MAN1A2: variants seen among roughly 807,000 people sequenced by gnomAD.
The protein encoded by MAN1A2 is mannosyl-oligosaccharide 1,2-alpha-mannosidase IB.
A neutral mutation model predicts 75.7 loss-of-function variants in MAN1A2; 26 were observed. The ratio of observed to expected loss-of-function variants is 0.34; its 90% CI spans 0.25 to 0.48. The LOEUF is 0.48. Ranked by LOEUF, MAN1A2 falls within the 20% of genes least tolerant of loss-of-function variation. The pLI is 0.99. For synonymous variants in MAN1A2, 247 were observed against 264.6 expected, an observed-to-expected ratio of 0.93 and a Z score of 0.65; for missense variants, 562 against 775.5, an observed-to-expected ratio of 0.72 and a Z score of 3.27.
At chr1:117,417,290 AT>A (rs1648024038) in intron 4 of MAN1A2, among the ~76,000 whole-genome samples, 1 of 151,620 alleles carries the variant, frequency 6.6e-6, no homozygotes, top group Admixed American at 6.6e-5. Flanking sequence ...GGGTTTTGTT[AT>A]TTTTATCCAA....
At position 117,441,079 on chromosome 1, in the gene MAN1A2, C is replaced by G. The variant is rs568746521; in HGVS notation, c.856-1152C>G. On this transcript the variant is annotated intron_variant, in intron 5 of 12. Coordinates refer to ENST00000356554, the MANE Select transcript of MAN1A2 (RefSeq NM_006699.5). Reference sequence around the variant, plus strand: ...GTAAATTGTAGATGTGTGAATATATCTAATTAAAAGTTCTGCTAAGAAGCT... The same window carrying G: ...GTAAATTGTAGATGTGTGAATATATGTAATTAAAAGTTCTGCTAAGAAGCT... Among the ~76,000 whole-genome samples, 47 of 152,134 alleles carry G rather than the reference C, an allele frequency of 3.1e-4. No individual in the cohort carries two copies. In the South Asian group the frequency reaches 8.9e-3, roughly 29 times the overall value.
At chr1:117,399,811 G>A (rs1372049599) in intron 1 of MAN1A2, among the ~76,000 whole-genome samples, 2 of 152,110 alleles carry the variant, frequency 1.3e-5, no homozygotes, top group Admixed American at 6.5e-5. Flanking sequence ...TTCTCAACTG[G>A]CTCTGTCCAT....
chr1:117,429,708 G>A (rs1648530305), intron 5 of MAN1A2, among the ~76,000 whole-genome samples: 2 of 110,146 alleles, frequency 1.8e-5, no homozygotes. Context: ...GGGCAGGGGG[G>A]CTGACCCCCC....
chr1:117,504,081 C>T (rs1393755344), intron 12 of MAN1A2, among the ~76,000 whole-genome samples: 1 of 151,346 alleles, frequency 6.6e-6, no homozygotes, highest in Non-Finnish European at 1.5e-5. Flanking sequence ...AGAACATCTG[C>T]CTGGTACTCA....
rs34249748 is a variant in MAN1A2, at chr1:117,417,690, GCA to G, written c.775-2863_775-2862del. Among the ~76,000 whole-genome samples the G allele has an allele frequency of 1.1e-3, 157 of 142,688 alleles. 2 individuals carry two copies. In the East Asian group the frequency reaches 0.028, roughly 25 times the overall value. The allele number at this position is 142,688 out of a possible 152,430, so 93.6% of individuals were successfully genotyped here. A position where few individuals can be genotyped will look rare whatever the true frequency, so the allele number is the denominator to read the frequency against. On this transcript the variant is annotated intron_variant, in intron 4 of 12. Transcript: ENST00000356554. ...TTAAGGGTAACTCCAAAGTAGGCGT[GCA>G]CACACACACACACACTCTCTCTCTC...
chr1:117,487,417 A>C (rs1465166921), intron 8 of MAN1A2, among the ~76,000 whole-genome samples: 1 of 152,002 alleles, frequency 6.6e-6, no homozygotes, highest in Non-Finnish European at 1.5e-5. Context: ...GCTAGGATAC[A>C]ATAAATGATT....
chr1:117,450,320 G>A (rs1258515169), intron 6 of MAN1A2, among the ~76,000 whole-genome samples: 1 of 152,182 alleles, frequency 6.6e-6, no homozygotes, highest in Non-Finnish European at 1.5e-5. Flanking sequence ...AGGGTATCTG[G>A]TGGAAGAAAT....
At chr1:117,466,270 A>C (rs1372549442) in intron 7 of MAN1A2, 64 bp from the exon 8 acceptor site, 1 of 1,099,586 alleles carries the variant, frequency 9.1e-7, no homozygotes, top group African/African-American at 1.6e-5. Flanking sequence ...CAAAGCCTAC[A>C]TTAAAACCAA....
At chr1:117,521,545 A>G (rs1258554449) in intron 12 of MAN1A2, among the ~76,000 whole-genome samples, 2 of 151,976 alleles carry the variant, frequency 1.3e-5, no homozygotes, top group Non-Finnish European at 1.5e-5. Flanking sequence ...GCGTGGATGC[A>G]GTGATCAGGG....
chr1:117,509,529 G>T (rs1408718226), intron 12 of MAN1A2, among the ~76,000 whole-genome samples: 1 of 151,902 alleles, frequency 6.6e-6, no homozygotes, highest in Non-Finnish European at 1.5e-5. Flanking sequence ...ATCCTTAAGT[G>T]TGTATTATCA....
At chr1:117,477,067 C>T (rs1650336820) in intron 8 of MAN1A2, among the ~76,000 whole-genome samples, 1 of 151,720 alleles carries the variant, frequency 6.6e-6, no homozygotes, top group African/African-American at 2.4e-5. Flanking sequence ...ACACATACAC[C>T]CTCCCAAGAC....
At position 117,376,353 on chromosome 1, in the gene MAN1A2, A is replaced by G. The variant is rs570249242; in HGVS notation, c.302+7868A>G. Among the ~76,000 whole-genome samples the G allele has an allele frequency of 2.6e-5, 4 of 152,330 alleles. No individual in the cohort carries two copies. The South Asian group carries it at 8.3e-4, about 32-fold the overall frequency. ...GTGCAGGCATACAGCTCCGCTTATT[A>G]TGTAACCATGTCATGTGAGGCGCAT... On this transcript the variant is annotated intron_variant, in intron 1 of 12. Transcript: ENST00000356554.
intron 1 of MAN1A2, among the ~76,000 whole-genome samples, chr1:117,381,634 C>T (rs1468745963): frequency 7.2e-5 from 11 of 152,074 alleles, no homozygotes; most frequent in Non-Finnish European, 5.9e-5. Context: ...TGAATAGTGC[C>T]GCAGTAAACA....
At chr1:117,472,789 G>A (rs1650201829) in intron 8 of MAN1A2, among the ~76,000 whole-genome samples, 1 of 151,822 alleles carries the variant, frequency 6.6e-6, no homozygotes, top group South Asian at 2.1e-4. Context: ...AACACGAATT[G>A]ATAAACTTTC....
chr1:117,458,905 G>C (rs1160419627), intron 6 of MAN1A2, among the ~76,000 whole-genome samples: 1 of 152,060 alleles, frequency 6.6e-6, no homozygotes, highest in Non-Finnish European at 1.5e-5. Flanking sequence ...GAATAATCCA[G>C]GAACTCTGCT....
chr1:117,389,629 T>A (rs1040181460), intron 1 of MAN1A2, among the ~76,000 whole-genome samples: 3 of 152,170 alleles, frequency 2.0e-5, no homozygotes, highest in Admixed American at 2.0e-4. Context: ...ACTGGGGTAG[T>A]GATTTTTAGT....
intron 6 of MAN1A2, among the ~76,000 whole-genome samples, chr1:117,456,436 A>G (rs928566876): frequency 6.6e-6 from 1 of 152,058 alleles, no homozygotes; most frequent in Admixed American, 6.6e-5. Context: ...TGAGTATTTA[A>G]TCACTGACAA....
chr1:117,415,224 C>T (rs1178740094), intron 4 of MAN1A2, among the ~76,000 whole-genome samples: 1 of 151,918 alleles, frequency 6.6e-6, no homozygotes, highest in African/African-American at 2.4e-5. Context: ...CTAAACCTGT[C>T]ATAAAATTGA....
At position 117,502,863 on chromosome 1, in the gene MAN1A2, A is replaced by T. The variant is rs561128031; in HGVS notation, c.1686A>T (p.Glu562Asp). The change falls in exon 12 of 13, where the codon GAA (glutamate) becomes GAT (aspartate). Residue 562 changes from glutamate (E) to aspartate (D), a missense_variant. Glu to Asp is a conservative substitution (Grantham distance 45). Around this residue, in one of 2 missense-constraint regions of MAN1A2, gnomAD observed 434 missense variants for 645.7 expected, o/e 0.67. Transcript: ENST00000356554. The stretch of plus-strand genomic sequence containing the variant: ...TCTGATCTCTTTCATAGGCCATTGA[A>T]AAGTATTGCCGAGTTAATGGTGGGT... ...QWGWEAALAI[E>D]KYCRVNGGFS... is the part of the protein sequence containing the mutation. The T allele has an allele frequency of 6.3e-7, 1 of 1,581,168 alleles. No homozygotes were observed. The highest frequency in any genetic ancestry group is 8.7e-7 in the Non-Finnish European group (1 of 1,153,584).
Sources: gnomAD v4.1 joint callset for allele counts (sites outside exome capture counted in the v4.1 genomes callset) on GRCh38, gnomAD v4.1.1 for gene constraint, gnomAD v4.1.1 regional missense constraint, MANE v1.5 for transcripts, NCBI Gene and HGNC (gene_info 2026-07-23, HGNC 2026-07-21) for gene names.